SEC24B: variants seen among roughly 807,000 people sequenced by gnomAD.
The protein encoded by SEC24B is protein transport protein Sec24B.
A neutral mutation model predicts 142.8 loss-of-function variants in SEC24B; 45 were observed. The observed-to-expected ratio is 0.32, with a 90% CI of 0.25 to 0.40. The LOEUF (loss-of-function observed/expected upper bound fraction) is 0.40. Ranked by LOEUF, SEC24B falls within the 10% of genes least tolerant of loss-of-function variation. The pLI is 1.00. For synonymous variants in SEC24B, 574 were observed against 568.2 expected, an observed-to-expected ratio of 1.01 and a Z score of -0.15; for missense variants, 1,409 against 1,526.8, an observed-to-expected ratio of 0.92 and a Z score of 1.29.
intron 8 of SEC24B, among the ~76,000 whole-genome samples, chr4:109,510,780 A>G (rs116479822): frequency 1.3e-5 from 2 of 152,136 alleles, no homozygotes; most frequent in Non-Finnish European, 2.9e-5. Flanking sequence ...TTTGTACTTC[A>G]TAAGTTGCAT....
At position 109,511,943 on chromosome 4, in the gene SEC24B, ATT is replaced by A. The variant is rs1737383232; in HGVS notation, c.1777-11_1777-10del. 2.5e-6 allele frequency: 4 copies of A among 1,608,990 alleles called. No individual in the cohort carries two copies. The highest frequency in any genetic ancestry group is 1.7e-6 in the Non-Finnish European group (2 of 1,178,526). On this transcript the variant is annotated splice_polypyrimidine_tract_variant and intron_variant, in intron 8 of 23. Transcript: ENST00000265175. The stretch of plus-strand genomic sequence containing the variant: ...TGCCTTTTTCTGCTACAGCTTCTTT[ATT>A]TTATTTCCTAGCAATTACCAGTGAT...
chr4:109,476,892 C>CT (rs1733211795), intron 3 of SEC24B, among the ~76,000 whole-genome samples: 1 of 152,004 alleles, frequency 6.6e-6, no homozygotes, highest in African/African-American at 2.4e-5. Flanking sequence ...AATCCCAGCA[C>CT]TTTGGGAGGC....
chr4:109,474,639 G>A (rs1466856634), intron 3 of SEC24B, among the ~76,000 whole-genome samples: 3 of 151,994 alleles, frequency 2.0e-5, no homozygotes, highest in African/African-American at 7.2e-5. Context: ...TGACCAATCT[G>A]GCCTCGAACT....
At position 109,521,102 on chromosome 4, in the gene SEC24B, G is replaced by T. The variant is rs370513300; in HGVS notation, c.2246-15G>T. ...TTGTTCGATTTGTTGATTAAAATATGTGTTTTCCCTATAGATGTTTTTCTA... is the reference window on the plus strand; with the variant it reads ...TTGTTCGATTTGTTGATTAAAATATTTGTTTTCCCTATAGATGTTTTTCTA... On this transcript the variant is annotated splice_polypyrimidine_tract_variant and intron_variant, in intron 12 of 23. Transcript: ENST00000265175. 1.6e-4 allele frequency: 239 copies of T among 1,450,280 alleles called. No homozygotes were observed. The highest frequency in any genetic ancestry group is 2.1e-4 in the Non-Finnish European group (222 of 1,038,646). 89.8% of individuals were successfully genotyped at this position (1,450,280 alleles called of 1,614,324 possible). A position where few individuals can be genotyped will look rare whatever the true frequency, so the allele number is the denominator to read the frequency against.
intron 4 of SEC24B, chr4:109,488,782 A>G (rs531878754): frequency 6.0e-6 from 1 of 167,674 alleles, no homozygotes; most frequent in South Asian, 2.1e-4. Flanking sequence ...TCCTCATTCG[A>G]TTGGTTATAA....
intron 23 of SEC24B, among the ~76,000 whole-genome samples, chr4:109,538,849 A>G (rs979865816): frequency 6.6e-6 from 1 of 152,118 alleles, no homozygotes; most frequent in Non-Finnish European, 1.5e-5. Flanking sequence ...GGGTGCTGCT[A>G]TCACAGTTCA....
chr4:109,482,979 T>TACACACACACACAC (rs1554001099), intron 4 of SEC24B, among the ~76,000 whole-genome samples: 19 of 26,404 alleles, frequency 7.2e-4, no homozygotes, highest in Middle Eastern at 0.038. Flanking sequence ...TATATATATA[T>TACACACACACACAC]ACACACACAC....
chr4:109,476,069 C>G (rs376507134), intron 3 of SEC24B, among the ~76,000 whole-genome samples: 10 of 151,660 alleles, frequency 6.6e-5, no homozygotes, highest in Admixed American at 6.6e-4. Context: ...TCACTGCAGC[C>G]TCTGCCTCCC....
chr4:109,527,120 G>A (rs1433271279), intron 17 of SEC24B, among the ~76,000 whole-genome samples: 3 of 151,712 alleles, frequency 2.0e-5, no homozygotes, highest in African/African-American at 7.3e-5. Context: ...TTGGGAGGCT[G>A]AGGCAGGAGA....
At chr4:109,537,679 C>A (rs1165610422) in intron 22 of SEC24B, among the ~76,000 whole-genome samples, 3 of 152,254 alleles carry the variant, frequency 2.0e-5, no homozygotes, top group African/African-American at 2.4e-5. Context: ...AAGAAGAATA[C>A]AGCCTGAAGT....
chr4:109,445,230 CT>C (rs901513201), intron 1 of SEC24B, among the ~76,000 whole-genome samples: 2 of 139,132 alleles, frequency 1.4e-5, no homozygotes, highest in Non-Finnish European at 3.1e-5. Flanking sequence ...TTAGTTTTTT[CT>C]TTCTTTCTTT....
At chr4:109,453,855 G>C (rs1040819090) in intron 1 of SEC24B, among the ~76,000 whole-genome samples, 4 of 152,106 alleles carry the variant, frequency 2.6e-5, no homozygotes, top group African/African-American at 9.7e-5. Context: ...CTGCCGTTCG[G>C]TATCCCTGAC....
chr4:109,501,018 G>A (rs1158314594), intron 6 of SEC24B, among the ~76,000 whole-genome samples: 1 of 152,140 alleles, frequency 6.6e-6, no homozygotes, highest in Non-Finnish European at 1.5e-5. Context: ...AAAGCCTACA[G>A]TACAGTAGTG....
Position 109,532,758 on chromosome 4 carries a change from C to A in SEC24B, c.3495+15C>A. The A allele has an allele frequency of 7.8e-7, 1 of 1,275,450 alleles. No individual in the cohort carries two copies. Among genetic ancestry groups the A allele is most frequent in the Non-Finnish European group, 1.1e-6 (1 of 871,682 alleles). 79.0% of individuals were successfully genotyped at this position (1,275,450 alleles called of 1,614,324 possible). A position where few individuals can be genotyped will look rare whatever the true frequency, so the allele number is the denominator to read the frequency against. Reference sequence around the variant, plus strand: ...ACTGTGGCTCTGTAAGCACCCTTTACTGGCAAAGCTTAACACTGTTTGAGC... The same window carrying A: ...ACTGTGGCTCTGTAAGCACCCTTTAATGGCAAAGCTTAACACTGTTTGAGC... On this transcript the variant is annotated intron_variant, in intron 21 of 23. Coordinates refer to ENST00000265175, the MANE Select transcript of SEC24B (RefSeq NM_006323.5).
intron 1 of SEC24B, chr4:109,450,675 A>G (rs2125908163): frequency 6.7e-6 from 1 of 150,106 alleles, no homozygotes; most frequent in Admixed American, 6.7e-5. Context: ...AAAAAAAAAA[A>G]TTTACTCACT....
chr4:109,528,334 G>T (rs1724490998), intron 18 of SEC24B, among the ~76,000 whole-genome samples: 1 of 150,738 alleles, frequency 6.6e-6, no homozygotes, highest in African/African-American at 2.4e-5. Flanking sequence ...GTTGAGGCAG[G>T]AAAATCCTTT....
chr4:109,434,228 G>A (rs1728163508), intron 1 of SEC24B, among the ~76,000 whole-genome samples: 1 of 151,882 alleles, frequency 6.6e-6, no homozygotes, highest in African/African-American at 2.4e-5. Context: ...CCCCTGGCGT[G>A]GGGGCGGGGG....
At chr4:109,506,582 A>T (rs1299086602) in intron 7 of SEC24B, 70 bp downstream of exon 7, 8 of 1,072,478 alleles carry the variant, frequency 7.5e-6, no homozygotes, top group Non-Finnish European at 9.0e-6. Flanking sequence ...AAAATAGTAA[A>T]AGTAGTATGT....
In SEC24B at chr4:109,524,871, T is replaced by C; in HGVS notation, c.2562T>C (p.Asp854=). The change falls in exon 15 of 24, where the codon GAT becomes GAC. Residue 854 remains aspartate, a synonymous_variant. Transcript: ENST00000265175. Reference sequence around the variant, plus strand: ...ATTTTTATAAGAAACTTGCATTAGATTGCTCGGGACAGCAAACTGCAGTGG... The same window carrying C: ...ATTTTTATAAGAAACTTGCATTAGACTGCTCGGGACAGCAAACTGCAGTGG... The part of the protein sequence containing the change: ...ATDFYKKLAL[D]CSGQQTAVDL... 1 of 1,612,718 alleles carries C rather than the reference T, an allele frequency of 6.2e-7. No individual in the cohort carries two copies. Among genetic ancestry groups the C allele is most frequent in the Non-Finnish European group, 8.5e-7 (1 of 1,179,238 alleles).
Sources: allele counts gnomAD v4.1 joint callset (sites outside exome capture counted in the v4.1 genomes callset), GRCh38; gene constraint gnomAD v4.1.1; transcripts MANE v1.5; gene names NCBI Gene and HGNC (gene_info 2026-07-23, HGNC 2026-07-21).